MPDZ: variants seen among roughly 807,000 people sequenced by gnomAD.
MPDZ encodes multiple PDZ domain protein.
In MPDZ, 234 loss-of-function variants were observed where a neutral mutation model predicts 239.1. The observed-to-expected ratio is 0.98, with a 90% confidence interval of 0.88 to 1.09. MPDZ has a LOEUF of 1.09. MPDZ is among the 50% of genes least tolerant of loss of function. The probability of loss-of-function intolerance (pLI) is 0.00; values close to 1 mark genes in which losing one functional copy is unlikely to be tolerated. For synonymous variants in MPDZ, 1,048 were observed against 881.3 expected (o/e 1.19, Z -3.35); for missense variants, 3,175 against 2,510.0 (o/e 1.26, Z -5.66).
chr9:13,148,185 T>C (rs1453592974), intron 25 of MPDZ, among the ~76,000 whole-genome samples: 1 of 152,066 alleles, frequency 6.6e-6, no homozygotes, highest in African/African-American at 2.4e-5. Context: ...ATCCTTGCAG[T>C]AGATATGACA....
intron 22 of MPDZ, among the ~76,000 whole-genome samples, chr9:13,165,803 A>T (rs1249334297): frequency 6.6e-6 from 1 of 152,152 alleles, no homozygotes; most frequent in East Asian, 1.9e-4. Flanking sequence ...GGCAAGGTGG[A>T]GGGAGAAGTG....
At chr9:13,178,652 A>G (rs534794438) in intron 19 of MPDZ, among the ~76,000 whole-genome samples, 1 of 152,344 alleles carries the variant, frequency 6.6e-6, no homozygotes, top group Admixed American at 6.5e-5. Context: ...AGCCTCCAAG[A>G]GAAAACTATC....
At chr9:13,229,294 A>G (rs1961646561) in intron 3 of MPDZ, among the ~76,000 whole-genome samples, 1 of 152,092 alleles carries the variant, frequency 6.6e-6, no homozygotes, top group Non-Finnish European at 1.5e-5. Context: ...CCCACATTAA[A>G]CAGGGGAATA....
chr9:13,180,617 C>T (rs1350042329), intron 19 of MPDZ, among the ~76,000 whole-genome samples: 1 of 152,088 alleles, frequency 6.6e-6, no homozygotes, highest in Non-Finnish European at 1.5e-5. Context: ...CCAATTATTT[C>T]TGCATTTTGT....
chr9:13,241,496 T>C (rs1965396980), intron 3 of MPDZ, among the ~76,000 whole-genome samples: 1 of 152,160 alleles, frequency 6.6e-6, no homozygotes, highest in Non-Finnish European at 1.5e-5. Flanking sequence ...AAGACAGTAG[T>C]CATCTCCCCT....
At chr9:13,201,866 T>A (rs1956428453) in intron 12 of MPDZ, among the ~76,000 whole-genome samples, 2 of 152,156 alleles carry the variant, frequency 1.3e-5, no homozygotes, top group South Asian at 4.1e-4. Flanking sequence ...TAAATTTCAT[T>A]TTGTTTTCTA....
At position 13,115,286 on chromosome 9, in the gene MPDZ, GACCAGC is replaced by G; in HGVS notation, c.5422_5427del (p.Ala1808_Gly1809del). ...GATGGCCTCCTCTCTGAATGGAATGGACCAGCTTTGATTCTTCCAACTTCCAAGGTT... is the reference window on the plus strand; with the variant it reads ...GATGGCCTCCTCTCTGAATGGAATGGTTTGATTCTTCCAACTTCCAAGGTT... On this transcript the variant is annotated inframe_deletion, in exon 40 of 47. Coordinates refer to ENST00000319217, the MANE Select transcript of MPDZ (RefSeq NM_001378778.1). 6.2e-7 allele frequency: 1 copy of G among 1,612,740 alleles called. No homozygotes were observed. Among genetic ancestry groups the G allele is most frequent in the Non-Finnish European group, 8.5e-7 (1 of 1,179,840 alleles).
intron 1 of MPDZ, among the ~76,000 whole-genome samples, chr9:13,257,705 T>C (rs1476841391): frequency 6.6e-6 from 1 of 152,198 alleles, no homozygotes; most frequent in Non-Finnish European, 1.5e-5. Context: ...TTGCACTGCA[T>C]TACTTTTGTG....
At chr9:13,187,991 G>A (rs1192357641) in intron 17 of MPDZ, among the ~76,000 whole-genome samples, 1 of 152,090 alleles carries the variant, frequency 6.6e-6, no homozygotes, top group Non-Finnish European at 1.5e-5. Flanking sequence ...ATTTTGGAAA[G>A]TTTAATTTCC....
intron 21 of MPDZ, among the ~76,000 whole-genome samples, chr9:13,169,772 G>T (rs1951548236): frequency 6.6e-6 from 1 of 152,164 alleles, no homozygotes; most frequent in African/African-American, 2.4e-5. Context: ...GGGGTACACT[G>T]GCCTTTGCAG....
chr9:13,177,221 A>G (rs1167929540), intron 19 of MPDZ, among the ~76,000 whole-genome samples: 1 of 152,144 alleles, frequency 6.6e-6, no homozygotes, highest in African/African-American at 2.4e-5. Flanking sequence ...GAATAAACAT[A>G]TCAGTTTTCC....
At chr9:13,182,661 A>C (rs2134469654) in intron 19 of MPDZ, among the ~76,000 whole-genome samples, 1 of 152,154 alleles carries the variant, frequency 6.6e-6, no homozygotes, top group Non-Finnish European at 1.5e-5. Flanking sequence ...AATGGCCAAT[A>C]TTATGAAAAA....
chr9:13,111,642 A>G (rs1022569944), intron 43 of MPDZ, among the ~76,000 whole-genome samples: 1 of 152,226 alleles, frequency 6.6e-6, no homozygotes, highest in African/African-American at 2.4e-5. Flanking sequence ...GTGAATGCAA[A>G]TAAGTAATAC....
At chr9:13,211,006 T>C (rs555907555) in intron 10 of MPDZ, among the ~76,000 whole-genome samples, 12 of 152,030 alleles carry the variant, frequency 7.9e-5, no homozygotes, top group African/African-American at 2.7e-4. Context: ...AAATAAGGTG[T>C]GGGCAGAAAA....
At chr9:13,118,952 A>G (rs993434035) in intron 39 of MPDZ, among the ~76,000 whole-genome samples, 4 of 152,202 alleles carry the variant, frequency 2.6e-5, no homozygotes, top group Non-Finnish European at 5.9e-5. Flanking sequence ...AATCTGCATT[A>G]AATTACCTTC....
At chr9:13,203,729 CACACACA>C (rs1956660507) in intron 12 of MPDZ, among the ~76,000 whole-genome samples, 1 of 2,546 alleles carries the variant, frequency 3.9e-4, no homozygotes, top group South Asian at 4.8e-3. Flanking sequence ...TGTATCCTGC[CACACACA>C]CACACACACA....
intron 9 of MPDZ, 142 bp downstream of exon 9, chr9:13,217,038 C>A: frequency 1.3e-6 from 1 of 780,842 alleles, no homozygotes; most frequent in Admixed American, 2.9e-5. Context: ...ATAAGAGTCA[C>A]CTACACTAAA....
chr9:13,184,714 T>G (rs1953855902), intron 18 of MPDZ, among the ~76,000 whole-genome samples: 1 of 151,970 alleles, frequency 6.6e-6, no homozygotes, highest in African/African-American at 2.4e-5. Flanking sequence ...TTAAGTAACA[T>G]TAATGAAAGA....
chr9:13,223,522 C>T, intron 5 of MPDZ, 49 bp downstream of exon 5: 2 of 1,549,590 alleles, frequency 1.3e-6, no homozygotes, highest in Non-Finnish European at 1.7e-6. Flanking sequence ...GTAACCAAAA[C>T]CTTCAGAATG....
Sources: gnomAD v4.1 joint callset for allele counts (sites outside exome capture counted in the v4.1 genomes callset) on GRCh38, gnomAD v4.1.1 for gene constraint, MANE v1.5 for transcripts, NCBI Gene and HGNC (gene_info 2026-07-23, HGNC 2026-07-21) for gene names.